ACOT1: variants seen among roughly 807,000 people sequenced by gnomAD.
ACOT1 encodes acyl-coenzyme A thioesterase 1.
Under a neutral mutation model 15.7 loss-of-function variants are expected in ACOT1, and 8 were observed. The ratio of observed to expected loss-of-function variants is 0.51; its 90% CI spans 0.30 to 0.92. ACOT1 has a LOEUF of 0.92. Ranked by LOEUF, ACOT1 falls within the 40% of genes least tolerant of loss-of-function variation. The probability of loss-of-function intolerance (pLI) is 0.06; values close to 1 mark genes in which losing one functional copy is unlikely to be tolerated. For synonymous variants in ACOT1, 67 were observed against 241.2 expected (o/e 0.28, Z 6.69); for missense variants, 151 against 539.4 (o/e 0.28, Z 7.13).
chr14:73,506,402 T>C, the ACOT1 span: 5 of 1,134,502 alleles, frequency 4.4e-6, no homozygotes, highest in South Asian at 2.5e-5. Context: ...CAGCAAAAAG[T>C]AGAAGGCCTC....
At chr14:73,528,670 C>A in the ACOT1 span, among the ~76,000 whole-genome samples, 1 of 152,122 alleles carries the variant, frequency 6.6e-6, no homozygotes, top group Non-Finnish European at 1.5e-5. Flanking sequence ...GAGTCTGATA[C>A]CTGTTCTAAT....
the ACOT1 span, among the ~76,000 whole-genome samples, chr14:73,524,302 AAAAAAAAAATATATAT>A: frequency 3.1e-5 from 3 of 95,708 alleles, no homozygotes; most frequent in East Asian, 7.1e-4. Flanking sequence ...TCAAAAAAAA[AAAAAAAAAATATATAT>A]ATATATATAT....
chr14:73,537,640 G>T lies in ACOT1; in HGVS notation c.219G>T (p.Ala73=), dbSNP rs763398586. 2.9e-4 allele frequency: 356 copies of T among 1,226,540 alleles called. 109 individuals are homozygous for T. The highest frequency in any genetic ancestry group is 8.5e-5 in the South Asian group (6 of 70,660). 76.0% of individuals were successfully genotyped at this position (1,226,540 alleles called of 1,614,324 possible). Residue 73 remains alanine, a synonymous_variant, in exon 1 of 3, where the codon GCG becomes GCT. Coordinates refer to ENST00000311148, the MANE Select transcript of ACOT1 (RefSeq NM_001037161.2). ...CGCCCGCGCTGGGCGGCAGCTTCGCGGGGCTTGAGCCCATGGGGCTGCTCT... is the reference window on the plus strand; with the variant it reads ...CGCCCGCGCTGGGCGGCAGCTTCGCTGGGCTTGAGCCCATGGGGCTGCTCT... The part of the protein sequence containing the change: ...ERAPALGGSF[A]GLEPMGLLWA...
At chr14:73,502,855 G>C in the ACOT1 span, 5 of 1,491,042 alleles carry the variant, frequency 3.4e-6, no homozygotes, top group East Asian at 1.1e-4. Context: ...ACACTTCTAA[G>C]AATTTAGAAG....
At chr14:73,501,747 A>G in the ACOT1 span, among the ~76,000 whole-genome samples, 1 of 148,160 alleles carries the variant, frequency 6.7e-6, no homozygotes, top group Admixed American at 6.7e-5. Context: ...CTAACTTTTT[A>G]TTTTATTTTA....
chr14:73,502,548 C>T, the ACOT1 span, among the ~76,000 whole-genome samples: 3 of 151,758 alleles, frequency 2.0e-5, no homozygotes, highest in African/African-American at 7.3e-5. Flanking sequence ...CCCAGGCCTC[C>T]TAAGCACTTT....
chr14:73,492,201 A>AT, the ACOT1 span: 12 of 1,613,536 alleles, frequency 7.4e-6, no homozygotes, highest in Non-Finnish European at 1.0e-5. This position sits in a 1 kb window ranked among gnomAD's most constrained non-coding sequence, Gnocchi z 4.9. Context: ...GAACCTGGAG[A>AT]TTTGCTGTAT....
At chr14:73,508,273 G>A in the ACOT1 span, 2 of 1,613,890 alleles carry the variant, frequency 1.2e-6, no homozygotes, top group South Asian at 1.1e-5. Flanking sequence ...CTGAGCTGCA[G>A]CCCAGCTATC....
Position 73,539,617 on chromosome 14 carries a change from G to A in ACOT1, c.457+1739G>A, listed in dbSNP as rs1192512141. ...ACCCATGGGCCACTTTATCCACCAG[G>A]TCCGGCAGCAGGGTGAGGTACTGCT... is the stretch of plus-strand genomic sequence containing the variant. On this transcript the variant is annotated intron_variant, in intron 1 of 2. Coordinates refer to ENST00000311148, the MANE Select transcript of ACOT1 (RefSeq NM_001037161.2). 3 of 116,820 alleles carry A rather than the reference G, an allele frequency of 2.6e-5. 1 individual carries two copies. The highest frequency in any genetic ancestry group is 3.8e-5 in the Non-Finnish European group (2 of 53,286). 7.2% of individuals were successfully genotyped at this position (116,820 alleles called of 1,614,324 possible). A position where few individuals can be genotyped will look rare whatever the true frequency, so the allele number is the denominator to read the frequency against.
upstream of ACOT1, among the ~76,000 whole-genome samples, chr14:73,532,547 G>A (rs1429446976): frequency 7.1e-5 from 8 of 112,222 alleles, 3 homozygotes; most frequent in East Asian, 1.4e-3. Flanking sequence ...CTTGGTTCCA[G>A]GCAAGACTGC....
the ACOT1 span, among the ~76,000 whole-genome samples, chr14:73,495,744 G>C: frequency 2.6e-5 from 4 of 152,186 alleles, no homozygotes. Flanking sequence ...GCTAAGAATT[G>C]CTTGCTTGAT....
chr14:73,509,866 A>ATATATTTATTTATT, the ACOT1 span, among the ~76,000 whole-genome samples: 1 of 67,522 alleles, frequency 1.5e-5, no homozygotes, highest in African/African-American at 6.3e-5. Context: ...ATATATATAT[A>ATATATTTATTTATT]TATTTATTTA....
the ACOT1 span, chr14:73,522,965 T>C: frequency 1.2e-6 from 2 of 1,614,104 alleles, no homozygotes; most frequent in Non-Finnish European, 8.5e-7. Flanking sequence ...CATTTTCAAA[T>C]ATTGGCTCTT....
chr14:73,513,909 G>T, the ACOT1 span: 2 of 983,370 alleles, frequency 2.0e-6, no homozygotes, highest in Non-Finnish European at 1.6e-6. Flanking sequence ...GCCTTAATGA[G>T]GCAACCAGAT....
chr14:73,496,648 A>G, the ACOT1 span: 2 of 1,596,892 alleles, frequency 1.3e-6, no homozygotes, highest in Non-Finnish European at 1.7e-6. Context: ...TCATTTCCTA[A>G]GTTGAGTATC....
At chr14:73,509,026 C>T in the ACOT1 span, among the ~76,000 whole-genome samples, 1 of 151,946 alleles carries the variant, frequency 6.6e-6, no homozygotes, top group Non-Finnish European at 1.5e-5. Flanking sequence ...ACCACCGCAC[C>T]TGGCTAATTT....
At chr14:73,520,875 G>T in the ACOT1 span, 1 of 1,614,018 alleles carries the variant, frequency 6.2e-7, no homozygotes, top group South Asian at 1.1e-5. Context: ...CTGTTCAAAG[G>T]TGTTGTCTGT....
chr14:73,509,808 GCC>G, the ACOT1 span, among the ~76,000 whole-genome samples: 2,335 of 63,050 alleles, frequency 0.037, 97 homozygotes, highest in Non-Finnish European at 0.056. Flanking sequence ...TGCCCCATGA[GCC>G]CATATATATA....
the ACOT1 span, among the ~76,000 whole-genome samples, chr14:73,528,408 A>AAC: frequency 2.0e-5 from 3 of 151,618 alleles, no homozygotes; most frequent in African/African-American, 4.9e-5. Flanking sequence ...AAAAAAAAAA[A>AAC]AAAAAACTTA....
Sources: gnomAD v4.1 joint callset for allele counts (sites outside exome capture counted in the v4.1 genomes callset) on GRCh38, gnomAD v4.1.1 for gene constraint, Gnocchi (gnomAD v3.1) non-coding constraint, MANE v1.5 for transcripts, NCBI Gene and HGNC (gene_info 2026-07-23, HGNC 2026-07-21) for gene names.